TBCD: variants seen among roughly 807,000 people sequenced by gnomAD.
TBCD encodes tubulin-specific chaperone D.
TBCD carries 105 observed loss-of-function variants against 169.3 expected under a neutral mutation model. That is an observed-to-expected ratio of 0.62 (90% CI 0.53 to 0.73). The LOEUF (loss-of-function observed/expected upper bound fraction) is 0.73. TBCD is among the 30% of genes least tolerant of loss of function. The pLI, the probability that TBCD is intolerant of heterozygous loss-of-function variation, is 0.00. For synonymous variants in TBCD, 700 were observed against 643.9 expected, an observed-to-expected ratio of 1.09 and a Z score of -1.32; for missense variants, 1,444 against 1,600.1, an observed-to-expected ratio of 0.90 and a Z score of 1.66.
intron 34 of TBCD, among the ~76,000 whole-genome samples, chr17:82,933,091 A>T (rs2062342030): frequency 6.6e-6 from 1 of 151,686 alleles, no homozygotes; most frequent in Admixed American, 6.6e-5. Flanking sequence ...CGGGGATGAG[A>T]CTCGCAGGGG....
At chr17:82,788,570 CA>C (rs1244020605) in intron 7 of TBCD, among the ~76,000 whole-genome samples, 1 of 152,186 alleles carries the variant, frequency 6.6e-6, no homozygotes, top group Non-Finnish European at 1.5e-5. Flanking sequence ...AAAATAGTCA[CA>C]CACAACAGCA....
chr17:82,856,957 C>T (rs1032802227), intron 13 of TBCD, among the ~76,000 whole-genome samples: 2 of 146,640 alleles, frequency 1.4e-5, no homozygotes, highest in Admixed American at 1.3e-4. Flanking sequence ...CGCTGGACCG[C>T]GTGCGGACCC....
chr17:82,809,405 G>C (rs144841501), intron 11 of TBCD, among the ~76,000 whole-genome samples: 103 of 152,288 alleles, frequency 6.8e-4, no homozygotes, highest in Admixed American at 1.2e-3. Context: ...GCGTTCGCCT[G>C]CTGCCTCGGT....
Position 82,939,301 on chromosome 17 carries a change from C to T in TBCD, c.3370-66C>T, listed in dbSNP as rs2062919516. The stretch of plus-strand genomic sequence containing the variant: ...CTGACGGGGCTCCCTGGCCTGGGTC[C>T]TGTCGTCTCTCCGGGGTGGGGCGGT... On this transcript the variant is annotated intron_variant, in intron 36 of 38. Coordinates refer to ENST00000355528, the MANE Select transcript of TBCD (RefSeq NM_005993.5). 4 of 1,330,320 alleles carry T rather than the reference C, an allele frequency of 3.0e-6. No individual in the cohort carries two copies. The South Asian group carries it at 3.7e-5, about 12-fold the overall frequency. 82.4% of individuals were successfully genotyped at this position (1,330,320 alleles called of 1,614,324 possible).
chr17:82,907,660 G>A, intron 20 of TBCD, 101 bp from the exon 21 acceptor site: 1 of 1,305,116 alleles, frequency 7.7e-7, no homozygotes, highest in Non-Finnish European at 1.1e-6. Context: ...GAGTGTACTT[G>A]GGGTTAGGGT....
chr17:82,770,499 T>C (rs1425514883), intron 5 of TBCD, among the ~76,000 whole-genome samples: 1 of 150,996 alleles, frequency 6.6e-6, no homozygotes, highest in Non-Finnish European at 1.5e-5. Context: ...CTCAGGAGGC[T>C]GAGGCAGAAG....
chr17:82,804,293 C>T (rs960286247), intron 9 of TBCD, among the ~76,000 whole-genome samples: 4 of 152,144 alleles, frequency 2.6e-5, no homozygotes, highest in East Asian at 1.9e-4. Flanking sequence ...TTACAGTGTA[C>T]CCCGAAATTT....
chr17:82,899,550 C>G (rs2059751686), intron 17 of TBCD, among the ~76,000 whole-genome samples: 1 of 152,186 alleles, frequency 6.6e-6, no homozygotes, highest in African/African-American at 2.4e-5. Context: ...TGTGAGTTTG[C>G]CTGACATTTA....
In TBCD at chr17:82,880,605, T is replaced by G. The variant is rs1217713095; in HGVS notation, c.1476-3540T>G. Among the ~76,000 whole-genome samples, 1 of 152,174 alleles carries G rather than the reference T, an allele frequency of 6.6e-6. No individual in the cohort carries two copies. Among genetic ancestry groups the G allele is most frequent in the Non-Finnish European group, 1.5e-5 (1 of 68,028 alleles). On this transcript the variant is annotated intron_variant, in intron 14 of 38. Coordinates refer to ENST00000355528, the MANE Select transcript of TBCD (RefSeq NM_005993.5). This position sits in a 1 kb window ranked among gnomAD's most constrained non-coding sequence, Gnocchi z 5.0. ...CCCAAGGATCTGGCAGGAGGAGGCA[T>G]CCAGGCCCTCAGGGCAGGTAGCGGG... is the stretch of plus-strand genomic sequence containing the variant.
intron 13 of TBCD, among the ~76,000 whole-genome samples, chr17:82,817,514 C>G (rs2052023627): frequency 6.6e-6 from 1 of 152,144 alleles, no homozygotes; most frequent in Non-Finnish European, 1.5e-5. Flanking sequence ...CCGGGCTGGT[C>G]TCGAACTCCT....
At chr17:82,788,536 A>G (rs1476232429) in intron 7 of TBCD, among the ~76,000 whole-genome samples, 1 of 152,120 alleles carries the variant, frequency 6.6e-6, no homozygotes, top group Non-Finnish European at 1.5e-5. Flanking sequence ...ATCATTGACA[A>G]AAGCACAACT....
chr17:82,924,154 G>A (rs2061581794), intron 26 of TBCD, among the ~76,000 whole-genome samples: 1 of 152,090 alleles, frequency 6.6e-6, no homozygotes, highest in Non-Finnish European at 1.5e-5. Context: ...GGGTTTTACT[G>A]CATTGGCCAG....
In TBCD at chr17:82,929,209, C is replaced by G; in HGVS notation, c.2790C>G (p.His930Gln). The G allele has an allele frequency of 1.2e-6, 2 of 1,613,956 alleles. No individual in the cohort carries two copies. Residue 930 changes from histidine to glutamine, a missense_variant, in exon 31 of 39, where the codon CAC becomes CAG. Transcript: ENST00000355528. Reference protein sequence around the residue: ...HAASVFLTLLHFDSPPIPHVP... With the variant: ...HAASVFLTLLQFDSPPIPHVP... ...CCAGCGTGTTCCTGACGCTCCTGCA[C>G]TTTGACAGCCCTCCCATCCCCCACG...
At chr17:82,865,821 G>A (rs2057131895) in intron 13 of TBCD, among the ~76,000 whole-genome samples, 2 of 152,320 alleles carry the variant, frequency 1.3e-5, no homozygotes, top group Middle Eastern at 6.8e-3. Flanking sequence ...GGGGACTGTG[G>A]TGCTCTGAGG....
intron 8 of TBCD, among the ~76,000 whole-genome samples, chr17:82,800,290 G>T (rs1374250827): frequency 6.6e-6 from 1 of 152,132 alleles, no homozygotes; most frequent in Non-Finnish European, 1.5e-5. Context: ...GGCTCTCCCT[G>T]TCGTGCTGTG....
chr17:82,781,829 G>C (rs1568123855), intron 7 of TBCD, 108 bp downstream of exon 7: 1 of 1,512,364 alleles, frequency 6.6e-7, no homozygotes, highest in Non-Finnish European at 8.9e-7. Flanking sequence ...TTGGAACCCC[G>C]TGGGATTGAT....
At chr17:82,885,675 C>T (rs1406198831) in intron 15 of TBCD, among the ~76,000 whole-genome samples, 22 of 151,900 alleles carry the variant, frequency 1.4e-4, no homozygotes, top group Admixed American at 1.3e-3. Context: ...TTTACTGCAA[C>T]CTAAGACATT....
intron 13 of TBCD, among the ~76,000 whole-genome samples, chr17:82,819,008 A>T (rs2052174007): frequency 6.6e-6 from 1 of 152,210 alleles, no homozygotes; most frequent in South Asian, 2.1e-4. Flanking sequence ...CAGTGAACCG[A>T]GATCGCACCA....
chr17:82,766,240 A>T, intron 3 of TBCD, 27 bp from the exon 4 acceptor site: 1 of 1,570,148 alleles, frequency 6.4e-7, no homozygotes, highest in African/African-American at 1.3e-5. Flanking sequence ...TTTAAATGTT[A>T]TAATTCAGCA....
Sources: gnomAD v4.1 joint callset for allele counts (sites outside exome capture counted in the v4.1 genomes callset) on GRCh38, gnomAD v4.1.1 for gene constraint, Gnocchi (gnomAD v3.1) non-coding constraint, MANE v1.5 for transcripts, NCBI Gene and HGNC (gene_info 2026-07-23, HGNC 2026-07-21) for gene names.